Variants in BLTP2 observed in about 807,000 individuals in gnomAD.
The protein encoded by BLTP2 is bridge-like lipid transfer protein family member 2.
At chr17:28,642,157 T>C in the BLTP2 span, 4 of 1,578,248 alleles carry the variant, frequency 2.5e-6, no homozygotes, top group South Asian at 1.1e-5. Flanking sequence ...TCTGGAACAC[T>C]GGGTACTGAC....
the BLTP2 span, chr17:28,617,388 GTA>G: frequency 8.4e-7 from 1 of 1,197,034 alleles, no homozygotes; most frequent in Middle Eastern, 1.9e-4. Context: ...CAATTGTTAT[GTA>G]TCCAGTTTGT....
chr17:28,642,247 G>T, the BLTP2 span: 1 of 1,612,174 alleles, frequency 6.2e-7, no homozygotes, highest in Admixed American at 1.7e-5. Context: ...GAGGAAATGA[G>T]GCATCTGAAT....
the BLTP2 span, chr17:28,644,967 CGGCGCG>C: frequency 6.4e-7 from 1 of 1,561,492 alleles, no homozygotes; most frequent in Admixed American, 1.9e-5. Context: ...CCGCCGCCGC[CGGCGCG>C]GCCGGGAACC....
chr17:28,632,136 C>A, the BLTP2 span: 1 of 1,614,192 alleles, frequency 6.2e-7, no homozygotes, highest in Non-Finnish European at 8.5e-7. Context: ...TATTGAAGAG[C>A]TTTCCCCTGC....
the BLTP2 span, chr17:28,634,100 A>G: frequency 6.2e-7 from 1 of 1,612,762 alleles, no homozygotes; most frequent in South Asian, 1.1e-5. Context: ...TTACCAGAGG[A>G]AGGGTACACA....
the BLTP2 span, chr17:28,640,348 G>A: frequency 1.7e-3 from 912 of 536,972 alleles, 3 homozygotes; most frequent in Non-Finnish European, 1.7e-3. Flanking sequence ...AGCCAAGATC[G>A]CACCACTGAA....
chr17:28,634,782 A>G, the BLTP2 span: 3 of 1,613,996 alleles, frequency 1.9e-6, no homozygotes, highest in East Asian at 6.7e-5. Flanking sequence ...CCAAAGAGGC[A>G]TAGAGCTCCT....
the BLTP2 span, among the ~76,000 whole-genome samples, chr17:28,644,360 T>A: frequency 2.0e-5 from 3 of 152,174 alleles, no homozygotes; most frequent in African/African-American, 7.2e-5. Context: ...CTGATCAAGA[T>A]CCTAGCTCCC....
chr17:28,638,181 G>A, the BLTP2 span: 2 of 1,597,270 alleles, frequency 1.3e-6, no homozygotes, highest in Admixed American at 1.7e-5. Context: ...GCATTAGGAT[G>A]CTCAGCGCTC....
the BLTP2 span, chr17:28,638,995 A>C: frequency 6.4e-6 from 3 of 469,220 alleles, no homozygotes; most frequent in South Asian, 4.5e-5. Flanking sequence ...GAAGCACTAC[A>C]CAAAGACATG....
chr17:28,624,267 T>C, the BLTP2 span: 2 of 1,614,214 alleles, frequency 1.2e-6, no homozygotes, highest in South Asian at 2.2e-5. Context: ...GCAGTTTCGG[T>C]TGTATATGTC....
At chr17:28,628,609 G>A in the BLTP2 span, 2 of 1,489,112 alleles carry the variant, frequency 1.3e-6, no homozygotes, top group Non-Finnish European at 1.9e-6. Flanking sequence ...TGCCCCCAGT[G>A]CCACAGAGGC....
At chr17:28,629,804 A>C in the BLTP2 span, among the ~76,000 whole-genome samples, 4 of 151,780 alleles carry the variant, frequency 2.6e-5, no homozygotes, top group African/African-American at 9.7e-5. Flanking sequence ...TAGTAGAGAC[A>C]GGGTTTCACC....
chr17:28,616,792 A>G, the BLTP2 span: 5 of 1,613,552 alleles, frequency 3.1e-6, no homozygotes, highest in Non-Finnish European at 3.4e-6. This position sits in a 1 kb window ranked among gnomAD's most constrained non-coding sequence, Gnocchi z 4.8. Context: ...TTAAGCTCAG[A>G]TACCATCATC....
chr17:28,642,305 G>C, the BLTP2 span: 8 of 1,614,140 alleles, frequency 5.0e-6, no homozygotes, highest in South Asian at 8.8e-5. Flanking sequence ...CTTTGCTGTT[G>C]ATCTTACATA....
At chr17:28,637,922 G>A in the BLTP2 span, 41 of 1,614,060 alleles carry the variant, frequency 2.5e-5, no homozygotes, top group Admixed American at 1.0e-4. Flanking sequence ...CCCAAATGAA[G>A]AGTGCCTAGA....
chr17:28,631,675 G>A, the BLTP2 span: 1 of 1,614,156 alleles, frequency 6.2e-7, no homozygotes, highest in African/African-American at 1.3e-5. Context: ...CCGCATCACT[G>A]TGCCTGCTGA....
the BLTP2 span, among the ~76,000 whole-genome samples, chr17:28,624,923 T>TTA: frequency 6.6e-6 from 1 of 152,326 alleles, no homozygotes; most frequent in South Asian, 2.1e-4. Context: ...GAGTGTATGG[T>TTA]TAAGAGCACA....
the BLTP2 span, chr17:28,633,104 A>T: frequency 6.3e-7 from 1 of 1,590,756 alleles, no homozygotes; most frequent in Non-Finnish European, 8.6e-7. Context: ...TGGCACAGCC[A>T]CTGCAGGTCC....
Sources: allele counts gnomAD v4.1 joint callset (sites outside exome capture counted in the v4.1 genomes callset), GRCh38; gene constraint gnomAD v4.1.1; non-coding constraint Gnocchi (gnomAD v3.1); transcripts MANE v1.5; gene names NCBI Gene and HGNC (gene_info 2026-07-23, HGNC 2026-07-21).